LEKR1: variants seen among roughly 807,000 people sequenced by gnomAD.
LEKR1 encodes leucine, glutamate and lysine rich 1.
LEKR1 carries 59 observed loss-of-function variants against 72.4 expected under a neutral mutation model. The ratio of observed to expected loss-of-function variants is 0.82; its 90% CI spans 0.66 to 1.01. The LOEUF (loss-of-function observed/expected upper bound fraction) is 1.01, where lower values mean the gene tolerates loss of function less well. LEKR1 is among the 50% of genes least tolerant of loss of function. The probability of loss-of-function intolerance (pLI) is 0.00; values close to 1 mark genes in which losing one functional copy is unlikely to be tolerated. For missense variants in LEKR1, 728 were observed against 759.2 expected, an observed-to-expected ratio of 0.96 and a Z score of 0.48; for synonymous variants, 257 against 263.2, an observed-to-expected ratio of 0.98 and a Z score of 0.23.
intron 3 of LEKR1, among the ~76,000 whole-genome samples, chr3:156,903,820 T>A (rs1315225306): frequency 6.6e-6 from 1 of 152,202 alleles, no homozygotes; most frequent in African/African-American, 2.4e-5. Flanking sequence ...TTTTCTCTAG[T>A]CCCAAGGAAA....
At position 156,975,552 on chromosome 3, in the gene LEKR1, C is replaced by T. The variant is rs1402400028; in HGVS notation, c.746-3642C>T. Among the ~76,000 whole-genome samples, 3 of 152,060 alleles carry T rather than the reference C, an allele frequency of 2.0e-5. No individual in the cohort carries two copies. In the East Asian group the frequency reaches 5.8e-4, roughly 29 times the overall value. On this transcript the variant is annotated intron_variant, in intron 6 of 12. Coordinates refer to ENST00000356539, the MANE Select transcript of LEKR1 (RefSeq NM_001004316.3). Reference sequence around the variant, plus strand: ...AAGTGACTATGAAGTTTTATATCAGCCTATAAAATAGCTAATTATGAATAC... The same window carrying T: ...AAGTGACTATGAAGTTTTATATCAGTCTATAAAATAGCTAATTATGAATAC...
intron 10 of LEKR1, 108 bp from the exon 11 acceptor site, chr3:157,024,652 T>TA (rs2108033946): frequency 1.1e-6 from 1 of 872,342 alleles, no homozygotes; most frequent in East Asian, 2.9e-5. Context: ...ATAGTTTAAT[T>TA]AAAAATTTAA....
chr3:156,955,878 T>C (rs1282334973), intron 6 of LEKR1, among the ~76,000 whole-genome samples: 1 of 151,384 alleles, frequency 6.6e-6, no homozygotes, highest in East Asian at 1.9e-4. Context: ...TGCTGGTTCT[T>C]ATGGCCAGAC....
At chr3:156,992,417 T>C (rs1427068151) in intron 7 of LEKR1, among the ~76,000 whole-genome samples, 1 of 152,184 alleles carries the variant, frequency 6.6e-6, no homozygotes, top group Non-Finnish European at 1.5e-5. Context: ...TTTGGTTTTG[T>C]TTATTTGTTT....
At chr3:156,892,136 C>T (rs1024906554) in intron 3 of LEKR1, among the ~76,000 whole-genome samples, 10 of 151,670 alleles carry the variant, frequency 6.6e-5, no homozygotes, top group African/African-American at 1.2e-4. Flanking sequence ...TCCCAACAAT[C>T]GGGGAGAGGG....
At chr3:156,955,472 G>C (rs1209672159) in intron 6 of LEKR1, among the ~76,000 whole-genome samples, 1 of 152,008 alleles carries the variant, frequency 6.6e-6, no homozygotes, top group Non-Finnish European at 1.5e-5. Flanking sequence ...TATGATATTG[G>C]CTGTGGGTTT....
chr3:157,014,705 T>C lies in LEKR1; in HGVS notation c.1203+3199T>C, dbSNP rs111379465. On this transcript the variant is annotated intron_variant, in intron 10 of 12. Transcript: ENST00000356539. ...TTTTAGAAATTGAATTAATAAAATCTGAAAATTTTAGATCAGGAGTGGCCT... is the reference window on the plus strand; with the variant it reads ...TTTTAGAAATTGAATTAATAAAATCCGAAAATTTTAGATCAGGAGTGGCCT... 1.5e-3 allele frequency among the ~76,000 whole-genome samples: 224 copies of C among 152,296 alleles called. 1 individual carries two copies. The highest frequency in any genetic ancestry group is 5.2e-3 in the African/African-American group (216 of 41,582).
At chr3:157,015,749 C>T (rs1733260578) in intron 10 of LEKR1, among the ~76,000 whole-genome samples, 1 of 151,696 alleles carries the variant, frequency 6.6e-6, no homozygotes, top group African/African-American at 2.4e-5. Context: ...AAAAACTGAC[C>T]CAGAAAGGCA....
At chr3:156,985,695 T>C (rs921758903) in intron 7 of LEKR1, among the ~76,000 whole-genome samples, 1 of 151,354 alleles carries the variant, frequency 6.6e-6, no homozygotes, top group Non-Finnish European at 1.5e-5. Context: ...ATTAGCTGGG[T>C]GTAATGGCAC....
chr3:157,045,311 C>A, intron 12 of LEKR1, 29 bp from the exon 13 acceptor site: 2 of 1,575,000 alleles, frequency 1.3e-6, no homozygotes, highest in South Asian at 1.2e-5. Context: ...AAAGCTAAGT[C>A]TGCTTTCTTT....
intron 3 of LEKR1, among the ~76,000 whole-genome samples, chr3:156,914,254 G>A (rs1723383687): frequency 6.6e-6 from 1 of 151,912 alleles, no homozygotes; most frequent in South Asian, 2.1e-4. Context: ...ATGGTGGTTT[G>A]CTGCACCCAT....
At chr3:156,848,981 A>G (rs989346970) in intron 2 of LEKR1, among the ~76,000 whole-genome samples, 1 of 152,228 alleles carries the variant, frequency 6.6e-6, no homozygotes, top group African/African-American at 2.4e-5. Context: ...CTGTTTGCAG[A>G]TGACATGATT....
At chr3:156,911,389 T>C (rs774137175) in intron 3 of LEKR1, among the ~76,000 whole-genome samples, 1 of 152,186 alleles carries the variant, frequency 6.6e-6, no homozygotes, top group Non-Finnish European at 1.5e-5. Flanking sequence ...AAATTCCTTA[T>C]AGATTCTGGA....
At chr3:156,983,079 A>G (rs1433444512) in intron 7 of LEKR1, among the ~76,000 whole-genome samples, 1 of 152,176 alleles carries the variant, frequency 6.6e-6, no homozygotes, top group Non-Finnish European at 1.5e-5. Flanking sequence ...CTGATAAAAC[A>G]TCATCAGCAT....
At chr3:157,016,958 A>C (rs1393028886) in intron 10 of LEKR1, among the ~76,000 whole-genome samples, 1 of 152,224 alleles carries the variant, frequency 6.6e-6, no homozygotes, top group African/African-American at 2.4e-5. Context: ...GAAGACAGGA[A>C]AATAAGGGAA....
intron 3 of LEKR1, among the ~76,000 whole-genome samples, chr3:156,907,578 C>T (rs189545417): frequency 6.6e-6 from 1 of 152,060 alleles, no homozygotes; most frequent in Non-Finnish European, 1.5e-5. Flanking sequence ...TTCTTTTATA[C>T]CACAATTTGT....
At chr3:156,963,540 C>T (rs1464497990) in intron 6 of LEKR1, among the ~76,000 whole-genome samples, 1 of 152,132 alleles carries the variant, frequency 6.6e-6, no homozygotes, top group Non-Finnish European at 1.5e-5. Context: ...TACCTCTTGG[C>T]AGCATCTCTA....
At position 156,845,065 on chromosome 3, in the gene LEKR1, T is replaced by C. The variant is rs201156620; in HGVS notation, c.49-7703T>C. Among the ~76,000 whole-genome samples, 32 of 152,208 alleles carry C rather than the reference T, an allele frequency of 2.1e-4. No individual in the cohort carries two copies. The East Asian group carries it at 5.8e-3, about 28-fold the overall frequency. On this transcript the variant is annotated intron_variant, in intron 2 of 12. Coordinates refer to ENST00000356539, the MANE Select transcript of LEKR1 (RefSeq NM_001004316.3). ...TGTAGTGAGTGATATCTCATTGTGG[T>C]TTTAATTTGCATTTTCCTAATGGCT... is the stretch of plus-strand genomic sequence containing the variant.
rs767284393 is a variant in LEKR1, at chr3:157,045,408, T to A, written c.1737T>A (p.Ser579Arg). 1.2e-6 allele frequency: 2 copies of A among 1,613,840 alleles called. No individual in the cohort carries two copies. Among genetic ancestry groups the A allele is most frequent in the South Asian group, 2.2e-5 (2 of 91,064 alleles). The change falls in exon 13 of 13, where the codon AGT becomes AGA. Residue 579 changes from serine (S) to arginine (R), a missense_variant. Physicochemically the swap from Ser to Arg is moderately radical, Grantham distance 110 (BLOSUM62 -1). Transcript: ENST00000356539. ...GCTTTGAACTGACAGAGGCTTTGAG[T>A]CAAGCCAGAGAACAGCTCCTGGAGC... Reference protein sequence around the residue: ...EERFELTEALSQAREQLLELS... With the variant: ...EERFELTEALRQAREQLLELS...
Sources: allele counts gnomAD v4.1 joint callset (sites outside exome capture counted in the v4.1 genomes callset), GRCh38; gene constraint gnomAD v4.1.1; transcripts MANE v1.5; gene names NCBI Gene and HGNC (gene_info 2026-07-23, HGNC 2026-07-21).